DNAH8: variants seen among roughly 807,000 people sequenced by gnomAD.
DNAH8 encodes the protein axonemal beta dynein heavy chain 8.
DNAH8 carries 382 observed loss-of-function variants against 562.1 expected under a neutral mutation model. The observed-to-expected ratio is 0.68, with a 90% CI of 0.63 to 0.74. The LOEUF is 0.74. DNAH8 is among the 30% of genes least tolerant of loss of function. The probability of loss-of-function intolerance (pLI) is 0.00; values close to 1 mark genes in which losing one functional copy is unlikely to be tolerated. For missense variants in DNAH8, 5,203 were observed against 5,620.4 expected (o/e 0.93, Z 2.37); for synonymous variants, 1,881 against 1,919.4 (o/e 0.98, Z 0.52).
At chr6:38,801,395 A>G (rs1462243817) in intron 21 of DNAH8, among the ~76,000 whole-genome samples, 1 of 152,152 alleles carries the variant, frequency 6.6e-6, no homozygotes, top group African/African-American at 2.4e-5. Context: ...TTTTCAAAAG[A>G]TTACTGTATG....
intron 89 of DNAH8, among the ~76,000 whole-genome samples, chr6:39,011,019 C>T (rs926357268): frequency 7.2e-5 from 11 of 152,108 alleles, no homozygotes; most frequent in Non-Finnish European, 1.3e-4. Context: ...GGGACCTCCA[C>T]TGGCATGCTT....
intron 24 of DNAH8, among the ~76,000 whole-genome samples, chr6:38,813,014 T>G (rs531332277): frequency 7.9e-5 from 12 of 152,320 alleles, no homozygotes; most frequent in Admixed American, 5.9e-4. Flanking sequence ...TTACTTATTC[T>G]TACCTTTTCT....
At chr6:38,921,605 T>A in intron 71 of DNAH8, 99 bp downstream of exon 71, 1 of 1,359,272 alleles carries the variant, frequency 7.4e-7, no homozygotes, top group Non-Finnish European at 9.9e-7. Flanking sequence ...GATGAAAAAA[T>A]ATTGGCCAGC....
At chr6:38,957,198 T>G (rs1489648560) in intron 82 of DNAH8, among the ~76,000 whole-genome samples, 1 of 151,810 alleles carries the variant, frequency 6.6e-6, no homozygotes, top group Non-Finnish European at 1.5e-5. Context: ...CATTATACAG[T>G]GATTAAGGGT....
intron 21 of DNAH8, among the ~76,000 whole-genome samples, chr6:38,794,165 A>G (rs1321244676): frequency 6.6e-6 from 1 of 151,744 alleles, no homozygotes; most frequent in Non-Finnish European, 1.5e-5. Flanking sequence ...GCCAGCCCAG[A>G]GCCTCAACCA....
chr6:38,737,221 C>A lies in DNAH8; in HGVS notation c.917C>A (p.Thr306Asn), dbSNP rs778631444. 2.0e-6 allele frequency: 3 copies of A among 1,512,768 alleles called. No individual in the cohort carries two copies. Among genetic ancestry groups the A allele is most frequent in the Non-Finnish European group, 2.7e-6 (3 of 1,128,718 alleles). The allele number at this position is 1,512,768 out of a possible 1,614,324, so 93.7% of individuals were successfully genotyped here. ...KQGESEKHIF[T>N]ETINRYLSFL... ...GGAGAATCTGAAAAACATATTTTCA[C>A]TGAAACCATCAACAGATATCTTTCA... The change falls in exon 6 of 93, where the codon ACT (threonine) becomes AAT (asparagine). Residue 306 changes from threonine to asparagine, a missense_variant. Thr to Asn is a moderately conservative substitution (Grantham distance 65). This residue lies in a region of DNAH8 where 556 missense variants were observed against 496.9 expected (regional missense o/e 1.12). Transcript: ENST00000327475.
chr6:38,988,672 A>C (rs533036235), intron 87 of DNAH8, among the ~76,000 whole-genome samples: 1 of 152,154 alleles, frequency 6.6e-6, no homozygotes, highest in Non-Finnish European at 1.5e-5. Flanking sequence ...CATTGTGTCC[A>C]CCCTATATTC....
chr6:38,822,760 GAA>G, intron 26 of DNAH8, 76 bp from the exon 27 acceptor site: 1 of 1,098,056 alleles, frequency 9.1e-7, no homozygotes, highest in Non-Finnish European at 1.2e-6. Flanking sequence ...GTTTGAAAAA[GAA>G]TCACAAATAT....
intron 92 of DNAH8, among the ~76,000 whole-genome samples, chr6:39,027,851 A>G (rs1017408141): frequency 1.3e-5 from 2 of 152,140 alleles, no homozygotes; most frequent in South Asian, 2.1e-4. Flanking sequence ...TAAAATTTTA[A>G]AAAAGGTAGT....
intron 49 of DNAH8, among the ~76,000 whole-genome samples, chr6:38,870,987 C>T (rs975507751): frequency 1.3e-5 from 2 of 152,188 alleles, no homozygotes; most frequent in East Asian, 3.9e-4. Context: ...CCTTCACCTA[C>T]ACTAAAACCT....
chr6:38,996,108 G>A (rs1765114762), intron 88 of DNAH8, among the ~76,000 whole-genome samples: 1 of 152,124 alleles, frequency 6.6e-6, no homozygotes, highest in East Asian at 1.9e-4. Flanking sequence ...CACTGTGACA[G>A]AGTAACAAAA....
intron 58 of DNAH8, among the ~76,000 whole-genome samples, chr6:38,892,471 G>A (rs1269765692): frequency 1.3e-5 from 2 of 151,988 alleles, no homozygotes; most frequent in Admixed American, 1.3e-4. Flanking sequence ...AAATTACTGG[G>A]CACCATCCTT....
chr6:38,771,226 A>G (rs1004742888), intron 12 of DNAH8, among the ~76,000 whole-genome samples: 20 of 152,350 alleles, frequency 1.3e-4, no homozygotes, highest in Admixed American at 5.9e-4. Flanking sequence ...AACATTACAT[A>G]GGTTGAAGAC....
chr6:38,829,127 T>C (rs1048565834), intron 30 of DNAH8, among the ~76,000 whole-genome samples: 1 of 152,242 alleles, frequency 6.6e-6, no homozygotes, highest in African/African-American at 2.4e-5. Flanking sequence ...TGGTCATTTG[T>C]ATATCTTATT....
At chr6:38,806,546 T>A (rs1771289926) in intron 23 of DNAH8, among the ~76,000 whole-genome samples, 1 of 152,104 alleles carries the variant, frequency 6.6e-6, no homozygotes, top group Admixed American at 6.5e-5. Flanking sequence ...CTGAGTACCC[T>A]CAGAACCTCT....
rs148782278 is a variant in DNAH8 at position 38,724,517 on chromosome 6, C to T, written c.525+1046C>T. Among the ~76,000 whole-genome samples, 42 of 152,126 alleles carry T rather than the reference C, an allele frequency of 2.8e-4. No individual in the cohort carries two copies. The East Asian group carries it at 7.0e-3, about 25-fold the overall frequency. ...AAACAGTGACTATTGTATGAGTATA[C>T]GGTAGTAGAAATAGTGATGTGATTG... is the stretch of plus-strand genomic sequence containing the variant. On this transcript the variant is annotated intron_variant, in intron 3 of 92. Transcript: ENST00000327475.
Position 38,921,486 on chromosome 6 carries a change from G to C in DNAH8, c.10642G>C (p.Ala3548Pro). 1 of 1,613,242 alleles carries C rather than the reference G, an allele frequency of 6.2e-7. No homozygotes were observed. Among genetic ancestry groups the C allele is most frequent in the Middle Eastern group, 1.7e-4 (1 of 6,054 alleles). ...ELDKVQAKFD[A>P]AMNEKMDLLN... ...GGATAAAGTACAGGCAAAATTTGATGCAGCAATGAATGAGAAAATGGTGAG... is the reference window on the plus strand; with the variant it reads ...GGATAAAGTACAGGCAAAATTTGATCCAGCAATGAATGAGAAAATGGTGAG... Residue 3548 changes from alanine to proline, a missense_variant, in exon 71 of 93, where the codon GCA becomes CCA. Around this residue, in one of 6 missense-constraint regions of DNAH8, gnomAD observed 1,399 missense variants for 1,518.4 expected, o/e 0.92. Coordinates refer to ENST00000327475, the MANE Select transcript of DNAH8 (RefSeq NM_001206927.2).
chr6:38,803,186 C>G lies in DNAH8; in HGVS notation c.2909C>G (p.Thr970Arg), dbSNP rs1246842086. ...CATTTCTTTATTTAACAGACATACA[C>G]AAAAGAATGGGCTGACATTCTAAAC... ...EDMLTLNETY[T>R]KEWADILNHK... The change falls in exon 22 of 93, where the codon ACA (threonine) becomes AGA (arginine). Residue 970 changes from threonine (T) to arginine (R), a missense_variant. This residue lies in a region of DNAH8 where 2,176 missense variants were observed against 2,365.1 expected (regional missense o/e 0.92). Transcript: ENST00000327475. 1.3e-6 allele frequency: 2 copies of G among 1,592,544 alleles called. No homozygotes were observed. The highest frequency in any genetic ancestry group is 2.7e-5 in the African/African-American group (2 of 74,038).
intron 47 of DNAH8, 49 bp from the exon 48 acceptor site, chr6:38,868,013 G>A (rs766940965): frequency 6.3e-7 from 1 of 1,580,166 alleles, no homozygotes; most frequent in Non-Finnish European, 8.6e-7. Flanking sequence ...GTGAGTCTAT[G>A]TTTAGTTTTT....
Sources: allele counts gnomAD v4.1 joint callset (sites outside exome capture counted in the v4.1 genomes callset), GRCh38; gene constraint gnomAD v4.1.1; regional missense constraint gnomAD v4.1.1; transcripts MANE v1.5; gene names NCBI Gene and HGNC (gene_info 2026-07-23, HGNC 2026-07-21).